The following FAM167A variants were observed in gnomAD, a reference collection of about 807,000 sequenced individuals.
FAM167A encodes family with sequence similarity 167 member A.
In FAM167A, 23 loss-of-function variants were observed where a neutral mutation model predicts 14.9. The ratio of observed to expected loss-of-function variants is 1.55; its 90% confidence interval spans 1.11 to 2.19. The LOEUF is 2.19. Among genes scored for constraint, FAM167A ranks in the 30% most tolerant of loss-of-function variants. FAM167A has a pLI of 0.00. For missense variants in FAM167A, 401 were observed against 281.5 expected (o/e 1.42, Z -3.04); for synonymous variants, 174 against 117.7 (o/e 1.48, Z -3.10).
intron 2 of FAM167A, among the ~76,000 whole-genome samples, chr8:11,437,187 G>A (rs899578148): frequency 8.5e-5 from 13 of 152,134 alleles, no homozygotes; most frequent in Middle Eastern, 3.2e-3. Flanking sequence ...CTTTGAGGTC[G>A]GGCAGATCTG....
chr8:11,473,144 T>C lies in FAM167A; in HGVS notation c.-398+2722A>G, dbSNP rs1808011277. ...TGGAAGCCAGGACAGGGAAGCCCAA[T>C]GTCTTCTCCAACTCAATAGCCCACG... On this transcript the variant is annotated intron_variant, in intron 1 of 1. Coordinates refer to the FAM167A transcript ENST00000648766. 2.0e-5 allele frequency among the ~76,000 whole-genome samples: 3 copies of C among 152,198 alleles called. 1 individual carries two copies. Among genetic ancestry groups the C allele is most frequent in the Non-Finnish European group, 2.9e-5 (2 of 68,040 alleles).
At position 11,454,490 on chromosome 8, in the gene FAM167A, C is replaced by A. The variant is rs200785464; in HGVS notation, c.-397-9682G>T. 2.6e-5 allele frequency among the ~76,000 whole-genome samples: 4 copies of A among 152,326 alleles called. No homozygotes were observed. The East Asian group carries it at 7.7e-4, about 29-fold the overall frequency. ...CCCTGATTTCAACCGGAGACAAAGG[C>A]AGGGGCCATGAGCTGGGACCTGCGG... On this transcript the variant is annotated intron_variant, in intron 1 of 2. Transcript: ENST00000284486.
chr8:11,461,485 T>G (rs1459375587), intron 1 of FAM167A, among the ~76,000 whole-genome samples: 1 of 152,206 alleles, frequency 6.6e-6, no homozygotes, highest in Non-Finnish European at 1.5e-5. Flanking sequence ...AGACACAGAG[T>G]GGCCTTTAAA....
rs114515550 is a variant in FAM167A, at chr8:11,442,650, G to A, written c.381+1381C>T. ...TTCAAAGAGCAGCTGGGGGCTGTGC[G>A]CGGTCTGTCCTGGGGCACTGTGCAT... On this transcript the variant is annotated intron_variant, in intron 2 of 2. Coordinates refer to ENST00000284486, the MANE Select transcript of FAM167A (RefSeq NM_053279.3). Among the ~76,000 whole-genome samples the A allele has an allele frequency of 2.8e-3, 420 of 149,560 alleles. 4 individuals carry two copies. Among genetic ancestry groups the A allele is most frequent in the African/African-American group, 9.5e-3 (394 of 41,316 alleles).
At position 11,424,452 on chromosome 8, in the gene FAM167A, G is replaced by C; in HGVS notation, c.566C>G (p.Ser189Cys). ...CTTGAGTGGTGTGGAGAGGCTGAAG[G>C]AGGAGGCAAGAGGGGAGTCACAGAA... ...DLFCDSPLASSFSLSTPLKLI... is the reference protein window; with the variant it reads ...DLFCDSPLASCFSLSTPLKLI... The change falls in exon 3 of 3, where the codon TCC (serine) becomes TGC (cysteine). Residue 189 changes from serine (S) to cysteine (C), a missense_variant. By Grantham distance (112) the Ser-to-Cys change is moderately radical. Transcript: ENST00000284486. 1 of 1,614,088 alleles carries C rather than the reference G, an allele frequency of 6.2e-7. No homozygotes were observed.
At chr8:11,461,034 A>G (rs1415575353) in intron 1 of FAM167A, among the ~76,000 whole-genome samples, 1 of 152,220 alleles carries the variant, frequency 6.6e-6, no homozygotes, top group Non-Finnish European at 1.5e-5. Flanking sequence ...GCCCGGTGAA[A>G]GAGGCTGCTG....
intron 1 of FAM167A, among the ~76,000 whole-genome samples, chr8:11,473,352 C>A (rs762831112): frequency 6.6e-6 from 1 of 152,064 alleles, no homozygotes; most frequent in Admixed American, 6.5e-5. Flanking sequence ...ATGAGGCAGG[C>A]TTTGGAGGCA....
In FAM167A at chr8:11,444,163, G is replaced by T; in HGVS notation, c.249C>A (p.Leu83=). 1 of 1,613,060 alleles carries T rather than the reference G, an allele frequency of 6.2e-7. No homozygotes were observed. The highest frequency in any genetic ancestry group is 1.7e-4 in the Middle Eastern group (1 of 6,050). The change falls in exon 2 of 3, where the codon CTC becomes CTA. Residue 83 remains leucine, a synonymous_variant. Coordinates refer to ENST00000284486, the MANE Select transcript of FAM167A (RefSeq NM_053279.3). The part of the protein sequence containing the change: ...EGERGGQEPL[L]PLREAGQHPP... ...GGTGCTGCCCAGCCTCTCTCAGGGGGAGCAAGGGCTCCTGCCCCCCACGCT... is the reference window on the plus strand; with the variant it reads ...GGTGCTGCCCAGCCTCTCTCAGGGGTAGCAAGGGCTCCTGCCCCCCACGCT...
At chr8:11,431,417 GCA>G (rs1244115271) in intron 2 of FAM167A, among the ~76,000 whole-genome samples, 3 of 152,250 alleles carry the variant, frequency 2.0e-5, no homozygotes, top group Non-Finnish European at 4.4e-5. Flanking sequence ...CGTTTAGTGA[GCA>G]CAGAGTTTCC....
intron 1 of FAM167A, among the ~76,000 whole-genome samples, chr8:11,460,776 G>A (rs1250437065): frequency 6.6e-6 from 1 of 152,038 alleles, no homozygotes; most frequent in Non-Finnish European, 1.5e-5. Flanking sequence ...CATGAGTGGC[G>A]CTGGCTGCGC....
At chr8:11,465,167 A>T (rs1807709152) in intron 1 of FAM167A, among the ~76,000 whole-genome samples, 1 of 152,148 alleles carries the variant, frequency 6.6e-6, no homozygotes, top group Non-Finnish European at 1.5e-5. Flanking sequence ...CTGGCTCCAC[A>T]GGGTTCCTCA....
chr8:11,441,773 C>A (rs891433669), intron 2 of FAM167A, among the ~76,000 whole-genome samples: 1 of 152,216 alleles, frequency 6.6e-6, no homozygotes, highest in Non-Finnish European at 1.5e-5. Context: ...TTGTAAGAAT[C>A]AGAGATCACG....
At chr8:11,435,113 A>C (rs1415968761) in intron 2 of FAM167A, 1 of 456,358 alleles carries the variant, frequency 2.2e-6, no homozygotes, top group Non-Finnish European at 4.4e-6. Context: ...GTATCACGGG[A>C]CCCTCCTGTT....
rs537371759 is a variant in FAM167A at position 11,422,172 on chromosome 8, G to A, written c.*2201C>T. ...ACCCAAGCAACTAAATCACTCAGTT[G>A]CATCCAACTTAATTGGACTGACTAC... On this transcript the variant is annotated 3_prime_UTR_variant, in exon 3 of 3. Coordinates refer to ENST00000284486, the MANE Select transcript of FAM167A (RefSeq NM_053279.3). The A allele has an allele frequency of 3.7e-4, 82 of 221,748 alleles. No individual in the cohort carries two copies. The highest frequency in any genetic ancestry group is 5.2e-4 in the Non-Finnish European group (59 of 114,162). The allele number at this position is 221,748 out of a possible 1,614,324, so 13.7% of individuals were successfully genotyped here. A position where few individuals can be genotyped will look rare whatever the true frequency, so the allele number is the denominator to read the frequency against.
intron 2 of FAM167A, chr8:11,433,874 C>T (rs867835983): frequency 2.0e-5 from 3 of 152,202 alleles, no homozygotes; most frequent in Non-Finnish European, 4.4e-5. Context: ...ACCCAGGAAA[C>T]AATTTGTGTA....
At chr8:11,442,836 A>G (rs1161778016) in intron 2 of FAM167A, among the ~76,000 whole-genome samples, 1 of 152,192 alleles carries the variant, frequency 6.6e-6, no homozygotes, top group East Asian at 1.9e-4. Flanking sequence ...TGTTCTGAGA[A>G]GCACTCTCGG....
At chr8:11,465,940 G>A (rs531012301) in intron 1 of FAM167A, among the ~76,000 whole-genome samples, 54 of 152,186 alleles carry the variant, frequency 3.5e-4, no homozygotes, top group African/African-American at 1.3e-3. Context: ...TCCAAGCCCC[G>A]CCGGGAATAA....
intron 2 of FAM167A, among the ~76,000 whole-genome samples, chr8:11,429,608 G>A (rs535337447): frequency 9.1e-4 from 138 of 152,364 alleles, no homozygotes; most frequent in Non-Finnish European, 1.3e-3. Flanking sequence ...GAGAAGTAAA[G>A]GAACGGCTCA....
At chr8:11,432,304 A>C (rs1197650101) in intron 2 of FAM167A, among the ~76,000 whole-genome samples, 1 of 152,206 alleles carries the variant, frequency 6.6e-6, no homozygotes, top group African/African-American at 2.4e-5. Flanking sequence ...AATGGGAGAA[A>C]ATTTTTGCAA....
Sources: allele counts gnomAD v4.1 joint callset (sites outside exome capture counted in the v4.1 genomes callset), GRCh38; gene constraint gnomAD v4.1.1; transcripts MANE v1.5; gene names NCBI Gene and HGNC (gene_info 2026-07-23, HGNC 2026-07-21).